The following VRK2 variants were observed in gnomAD, a reference collection of about 807,000 sequenced individuals.
The protein encoded by VRK2 is VRK serine/threonine kinase 2.
A neutral mutation model predicts 57.6 loss-of-function variants in VRK2; 60 were observed. The observed-to-expected ratio is 1.04, with a 90% CI of 0.85 to 1.29. The LOEUF is 1.29. Ranked by LOEUF, VRK2 falls within the 50% of genes most tolerant of loss-of-function variation. The pLI is 0.00. For missense variants in VRK2, 705 were observed against 588.1 expected (o/e 1.20, Z -2.06); for synonymous variants, 231 against 199.2 (o/e 1.16, Z -1.35).
At chr2:57,935,002 T>G (rs892089589) in intron 1 of VRK2, among the ~76,000 whole-genome samples, 5 of 152,250 alleles carry the variant, frequency 3.3e-5, no homozygotes, top group African/African-American at 1.2e-4. Context: ...TGTCTATCTG[T>G]GCTTTTTGTA....
chr2:57,950,180 G>T (rs1278149203), intron 1 of VRK2, among the ~76,000 whole-genome samples: 4 of 152,202 alleles, frequency 2.6e-5, no homozygotes, highest in Non-Finnish European at 5.9e-5. Context: ...GATACAGGAT[G>T]CTACAATAAA....
intron 2 of VRK2, among the ~76,000 whole-genome samples, chr2:58,061,857 T>TA (rs1677388955): frequency 6.6e-6 from 1 of 152,064 alleles, no homozygotes; most frequent in Non-Finnish European, 1.5e-5. Context: ...CACTGGTCTG[T>TA]ATGGAACCCA....
intron 1 of VRK2, among the ~76,000 whole-genome samples, chr2:57,991,156 G>A (rs1445040332): frequency 6.6e-6 from 1 of 152,066 alleles, no homozygotes; most frequent in African/African-American, 2.4e-5. Context: ...TCAGCTATAA[G>A]AGGCAAACCC....
At chr2:57,939,517 TA>T (rs1416526359) in intron 1 of VRK2, among the ~76,000 whole-genome samples, 2 of 152,134 alleles carry the variant, frequency 1.3e-5, no homozygotes, top group Admixed American at 1.3e-4. Context: ...TTTATTCAAA[TA>T]AAAAAATGAG....
intron 12 of VRK2, among the ~76,000 whole-genome samples, chr2:58,156,578 T>C (rs1683888118): frequency 1.5e-5 from 2 of 137,134 alleles, no homozygotes. Context: ...TGGGTGGTGG[T>C]GTTTTTTTTG....
chr2:58,129,674 A>T (rs1678888801), intron 8 of VRK2, among the ~76,000 whole-genome samples: 1 of 152,218 alleles, frequency 6.6e-6, no homozygotes, highest in Non-Finnish European at 1.5e-5. Context: ...TGTACAGTAG[A>T]TGGAAAGAAG....
chr2:58,036,681 A>G (rs1212931718), intron 3 of VRK2, among the ~76,000 whole-genome samples: 2 of 152,100 alleles, frequency 1.3e-5, no homozygotes, highest in African/African-American at 4.8e-5. Context: ...GCTAAAGAAT[A>G]GACCATTCTC....
At chr2:58,020,713 T>A (rs1037319098) in intron 1 of VRK2, among the ~76,000 whole-genome samples, 2 of 152,236 alleles carry the variant, frequency 1.3e-5, no homozygotes, top group African/African-American at 4.8e-5. Flanking sequence ...CTTTCCATTG[T>A]ATAACTTTTT....
intron 8 of VRK2, among the ~76,000 whole-genome samples, chr2:58,130,054 G>C (rs1678950660): frequency 6.6e-6 from 1 of 152,082 alleles, no homozygotes; most frequent in African/African-American, 2.4e-5. Flanking sequence ...TGAAAGATTG[G>C]CTTCAGAAAT....
At chr2:58,042,154 T>C (rs1310313736), upstream of VRK2, among the ~76,000 whole-genome samples, 2 of 152,170 alleles carry the variant, frequency 1.3e-5, no homozygotes, top group Non-Finnish European at 2.9e-5. Context: ...CATGACATAT[T>C]GATATGACAT....
chr2:57,957,935 C>T (rs143090356), intron 1 of VRK2, among the ~76,000 whole-genome samples: 3 of 152,172 alleles, frequency 2.0e-5, no homozygotes, highest in Non-Finnish European at 2.9e-5. Flanking sequence ...AATGGAACAA[C>T]GAAAGATTGA....
intron 2 of VRK2, among the ~76,000 whole-genome samples, chr2:58,052,420 T>C (rs1482632321): frequency 1.3e-5 from 2 of 151,988 alleles, no homozygotes; most frequent in African/African-American, 4.8e-5. Flanking sequence ...CCTGGGCAAC[T>C]TGGTGAAACC....
chr2:57,921,345 T>C (rs1670342199), intron 1 of VRK2, among the ~76,000 whole-genome samples: 1 of 151,598 alleles, frequency 6.6e-6, no homozygotes, highest in Admixed American at 6.6e-5. Context: ...CCACTGCCTA[T>C]AGCTTTGCCT....
At chr2:58,003,211 G>A (rs1003787694) in intron 1 of VRK2, among the ~76,000 whole-genome samples, 1 of 151,948 alleles carries the variant, frequency 6.6e-6, no homozygotes, top group Non-Finnish European at 1.5e-5. Flanking sequence ...ATCACAGGAG[G>A]GCTTATTGCC....
At chr2:58,151,728 C>CTTTTTTTTTTTTT (rs1558707936) in intron 12 of VRK2, among the ~76,000 whole-genome samples, 1 of 6,480 alleles carries the variant, frequency 1.5e-4, no homozygotes, top group East Asian at 9.3e-3. Context: ...TGCTTCTATG[C>CTTTTTTTTTTTTT]TTGTTTTTTT....
chr2:58,088,738 T>C (rs146456825), intron 6 of VRK2, among the ~76,000 whole-genome samples: 199 of 152,342 alleles, frequency 1.3e-3, no homozygotes, highest in African/African-American at 3.9e-3. Context: ...GCTGTAAGAA[T>C]AACCTTTCTT....
At chr2:58,144,318 T>C (rs1681794515) in intron 11 of VRK2, among the ~76,000 whole-genome samples, 1 of 152,012 alleles carries the variant, frequency 6.6e-6, no homozygotes, top group Non-Finnish European at 1.5e-5. Context: ...GGGGATCTGA[T>C]GTACAGCATG....
At chr2:57,992,870 A>T (rs947646966) in intron 1 of VRK2, among the ~76,000 whole-genome samples, 1 of 152,148 alleles carries the variant, frequency 6.6e-6, no homozygotes, top group Non-Finnish European at 1.5e-5. Context: ...CATATTGACA[A>T]CCTAGAGTGG....
At chr2:58,063,240 TG>T (rs1183626861) in intron 2 of VRK2, among the ~76,000 whole-genome samples, 203 of 147,006 alleles carry the variant, frequency 1.4e-3, no homozygotes, top group African/African-American at 4.9e-3. Flanking sequence ...GTCACAGTTT[TG>T]TTTTTTTTTT....
Sources: gnomAD v4.1 joint callset for allele counts (sites outside exome capture counted in the v4.1 genomes callset) on GRCh38, gnomAD v4.1.1 for gene constraint, MANE v1.5 for transcripts, NCBI Gene and HGNC (gene_info 2026-07-23, HGNC 2026-07-21) for gene names.